The following AGBL4 variants were observed in gnomAD, a reference collection of about 807,000 sequenced individuals.
AGBL4 encodes the protein AGBL carboxypeptidase 4.
AGBL4 carries 58 observed loss-of-function variants against 66.4 expected under a neutral mutation model. The ratio of observed to expected loss-of-function variants is 0.87; its 90% CI spans 0.71 to 1.09. AGBL4 has a LOEUF of 1.09. Ranked by LOEUF, AGBL4 falls within the 50% of genes least tolerant of loss-of-function variation. AGBL4 has a pLI of 0.00. For synonymous variants in AGBL4, 234 were observed against 222.9 expected, an observed-to-expected ratio of 1.05 and a Z score of -0.44; for missense variants, 579 against 631.0, an observed-to-expected ratio of 0.92 and a Z score of 0.88.
At chr1:49,914,197 T>C (rs1044907265) in intron 1 of AGBL4, among the ~76,000 whole-genome samples, 9 of 152,218 alleles carry the variant, frequency 5.9e-5, no homozygotes, top group Non-Finnish European at 8.8e-5. Context: ...ATAAATTGTG[T>C]CTTTGTCTCA....
chr1:48,894,922 C>T (rs1229210812), intron 5 of AGBL4, among the ~76,000 whole-genome samples: 6 of 152,160 alleles, frequency 3.9e-5, no homozygotes, highest in African/African-American at 1.4e-4. Context: ...TGAATTTATG[C>T]TTCATCATAT....
intron 1 of AGBL4, among the ~76,000 whole-genome samples, chr1:49,973,632 T>TTA (rs948878860): frequency 4.7e-5 from 7 of 148,402 alleles, no homozygotes; most frequent in African/African-American, 1.5e-4. Flanking sequence ...TACATATATA[T>TTA]TATATATATC....
chr1:49,405,466 CATG>C (rs376884260), intron 3 of AGBL4, among the ~76,000 whole-genome samples: 3 of 152,234 alleles, frequency 2.0e-5, no homozygotes, highest in African/African-American at 4.8e-5. Context: ...TCCATGGGCT[CATG>C]ATAAGTATTC....
At chr1:49,762,794 C>A (rs1026684123) in intron 2 of AGBL4, among the ~76,000 whole-genome samples, 2 of 152,054 alleles carry the variant, frequency 1.3e-5, no homozygotes, top group Non-Finnish European at 2.9e-5. Context: ...TTATTAAATC[C>A]TTCTCCCATG....
Position 49,186,223 on chromosome 1 carries a change from C to T in AGBL4, c.377+59547G>A, listed in dbSNP as rs573863467. 2.6e-5 allele frequency among the ~76,000 whole-genome samples: 4 copies of T among 152,172 alleles called. No individual in the cohort carries two copies. In the East Asian group the frequency reaches 7.7e-4, roughly 29 times the overall value. On this transcript the variant is annotated intron_variant, in intron 4 of 13. Coordinates refer to ENST00000371839, the MANE Select transcript of AGBL4 (RefSeq NM_032785.4). ...TTCTTCATTCCTATATTCATATGCC[C>T]CTCTCCCTAGAATACACCCCATTCA... is the stretch of plus-strand genomic sequence containing the variant.
intron 3 of AGBL4, chr1:49,269,012 C>A (rs938764605): frequency 4.6e-5 from 7 of 152,154 alleles, no homozygotes; most frequent in African/African-American, 1.7e-4. Flanking sequence ...CAGCTTTAAG[C>A]CAAGACCTCA....
intron 11 of AGBL4, among the ~76,000 whole-genome samples, chr1:48,552,305 G>A (rs540605407): frequency 2.0e-4 from 31 of 152,090 alleles, no homozygotes; most frequent in African/African-American, 7.0e-4. Flanking sequence ...CTTATGATCC[G>A]CCTGCCTCAG....
chr1:49,083,273 C>G (rs1461584064), intron 4 of AGBL4, among the ~76,000 whole-genome samples: 1 of 152,208 alleles, frequency 6.6e-6, no homozygotes, highest in Non-Finnish European at 1.5e-5. Flanking sequence ...GGGACTCCAA[C>G]CCCACATTTC....
intron 3 of AGBL4, among the ~76,000 whole-genome samples, chr1:49,392,698 T>TAC (rs55786055): frequency 0.094 from 13,801 of 147,494 alleles, 712 homozygotes; most frequent in East Asian, 0.28. Context: ...CAACTGTGTA[T>TAC]ACACACACAC....
intron 11 of AGBL4, among the ~76,000 whole-genome samples, chr1:48,573,237 G>A (rs551793641): frequency 1.3e-5 from 2 of 152,088 alleles, no homozygotes; most frequent in Non-Finnish European, 2.9e-5. Context: ...ATCATTTCTC[G>A]CTTACTATGC....
At chr1:49,947,988 TTA>T (rs774673873) in intron 1 of AGBL4, among the ~76,000 whole-genome samples, 412 of 58,652 alleles carry the variant, frequency 7.0e-3, no homozygotes, top group South Asian at 8.5e-3. Context: ...AAATATATAT[TTA>T]TATATATAAA....
chr1:49,263,730 G>T (rs1018576780), intron 3 of AGBL4, among the ~76,000 whole-genome samples: 3 of 152,128 alleles, frequency 2.0e-5, no homozygotes, highest in Non-Finnish European at 2.9e-5. Flanking sequence ...CTTTAGAGGG[G>T]TACTTGACAA....
chr1:48,684,051 A>G (rs1301486484), intron 6 of AGBL4, among the ~76,000 whole-genome samples: 3 of 152,222 alleles, frequency 2.0e-5, no homozygotes, highest in Non-Finnish European at 4.4e-5. Flanking sequence ...TGCCTAGGCC[A>G]CTGCGTATAC....
rs1248937895 is a variant in AGBL4 at position 50,023,945 on chromosome 1, G to C, written c.-149C>G. Reference sequence around the variant, plus strand: ...CGGGCGGCAGGCGCGCGGGTGGCCGGCGCGCGGCTGAGGGCGGGAGGGACG... The same window carrying C: ...CGGGCGGCAGGCGCGCGGGTGGCCGCCGCGCGGCTGAGGGCGGGAGGGACG... On this transcript the variant is annotated 5_prime_UTR_variant, in exon 1 of 14. Coordinates refer to ENST00000371839, the MANE Select transcript of AGBL4 (RefSeq NM_032785.4). The C allele has an allele frequency of 3.3e-5, 28 of 836,806 alleles. No homozygotes were observed. The highest frequency in any genetic ancestry group is 3.0e-4 in the South Asian group (13 of 43,674). 51.8% of individuals were successfully genotyped at this position (836,806 alleles called of 1,614,324 possible).
chr1:49,902,831 T>C (rs1252693544), intron 1 of AGBL4, among the ~76,000 whole-genome samples: 4 of 152,168 alleles, frequency 2.6e-5, no homozygotes, highest in Non-Finnish European at 5.9e-5. Flanking sequence ...GAATGGCTAT[T>C]ATTTTTAAAA....
intron 5 of AGBL4, among the ~76,000 whole-genome samples, chr1:48,942,406 G>A (rs191696328): frequency 1.3e-5 from 2 of 152,090 alleles, no homozygotes; most frequent in African/African-American, 4.8e-5. Flanking sequence ...AGTGACCCTG[G>A]GCCCATGACT....
At chr1:49,855,560 G>C (rs1051819713) in intron 1 of AGBL4, among the ~76,000 whole-genome samples, 4 of 152,082 alleles carry the variant, frequency 2.6e-5, no homozygotes. Flanking sequence ...TATCTTGTCA[G>C]ACCACAATGG....
Position 48,582,705 on chromosome 1 carries a change from A to G in AGBL4, c.1267+4299T>C, listed in dbSNP as rs532583712. Among the ~76,000 whole-genome samples, 240 of 152,328 alleles carry G rather than the reference A, an allele frequency of 1.6e-3. 1 individual carries two copies. The highest frequency in any genetic ancestry group is 2.6e-3 in the Admixed American group (40 of 15,308). On this transcript the variant is annotated intron_variant, in intron 11 of 13. Coordinates refer to ENST00000371839, the MANE Select transcript of AGBL4 (RefSeq NM_032785.4). ...TATTTCACCCTCCCAATAACCATGC[A>G]AAGTGAGTACTATTTTTATTTTACA...
intron 3 of AGBL4, among the ~76,000 whole-genome samples, chr1:49,310,198 C>T (rs1474872333): frequency 2.0e-5 from 3 of 151,994 alleles, no homozygotes; most frequent in Non-Finnish European, 4.4e-5. Context: ...ATACAATGTG[C>T]CAGATTAAGT....
Sources: allele counts gnomAD v4.1 joint callset (sites outside exome capture counted in the v4.1 genomes callset), GRCh38; gene constraint gnomAD v4.1.1; transcripts MANE v1.5; gene names NCBI Gene and HGNC (gene_info 2026-07-23, HGNC 2026-07-21).